Variants in TMX4 observed in about 807,000 individuals in gnomAD.
TMX4 encodes the protein thioredoxin related transmembrane protein 4, also known as thioredoxin-related transmembrane protein 4.
TMX4 carries 23 observed loss-of-function variants against 33.3 expected under a neutral mutation model. That is an observed-to-expected ratio of 0.69 (90% CI 0.50 to 0.98). TMX4 has a LOEUF of 0.98. Among genes scored for constraint, TMX4 ranks in the 50% least tolerant of loss-of-function variants. The pLI is 0.00. For missense variants in TMX4, 399 were observed against 448.9 expected (o/e 0.89, Z 1.01); for synonymous variants, 164 against 161.5 (o/e 1.02, Z -0.12).
intron 3 of TMX4, among the ~76,000 whole-genome samples, chr20:8,000,715 ACCTCAATG>A (rs1401840175): frequency 2.0e-5 from 3 of 151,886 alleles, no homozygotes; most frequent in Non-Finnish European, 4.4e-5. Context: ...TTCAACTTTT[ACCTCAATG>A]CTGAGGAATT....
At chr20:8,006,248 GT>G (rs2122873247) in intron 2 of TMX4, among the ~76,000 whole-genome samples, 1 of 152,254 alleles carries the variant, frequency 6.6e-6, no homozygotes, top group African/African-American at 2.4e-5. Flanking sequence ...AACTTTTCTC[GT>G]TTCATTGATA....
chr20:8,015,062 A>G (rs1297461839), intron 1 of TMX4, among the ~76,000 whole-genome samples: 1 of 151,188 alleles, frequency 6.6e-6, no homozygotes, highest in African/African-American at 2.4e-5. Context: ...ATACCGCACT[A>G]GATTGCTGGA....
intron 6 of TMX4, among the ~76,000 whole-genome samples, chr20:7,986,342 A>G (rs2050631027): frequency 6.6e-6 from 1 of 152,186 alleles, no homozygotes; most frequent in Non-Finnish European, 1.5e-5. Context: ...AGTCAAATCG[A>G]GCCTCCTTGG....
intron 5 of TMX4, among the ~76,000 whole-genome samples, chr20:7,990,062 C>T (rs529902400): frequency 1.0e-3 from 152 of 152,114 alleles, no homozygotes; most frequent in Non-Finnish European, 1.8e-3. Flanking sequence ...TTTGGAAGGC[C>T]GAGGCGGGTG....
intron 2 of TMX4, among the ~76,000 whole-genome samples, chr20:8,005,462 G>A (rs2050724984): frequency 1.3e-5 from 2 of 152,208 alleles, no homozygotes; most frequent in African/African-American, 4.8e-5. Context: ...GATGGGCAGG[G>A]AAGTGCTGGG....
chr20:8,009,861 T>TAA (rs11289988), intron 2 of TMX4, among the ~76,000 whole-genome samples: 3,252 of 84,536 alleles, frequency 0.038, 106 homozygotes, highest in African/African-American at 0.074. Flanking sequence ...CAAAAAACTG[T>TAA]AAAAAAAAAA....
At chr20:8,001,410 G>A (rs1277813296) in intron 3 of TMX4, 86 bp downstream of exon 3, 1 of 1,313,484 alleles carries the variant, frequency 7.6e-7, no homozygotes, top group East Asian at 2.5e-5. Flanking sequence ...CTGAATGAGT[G>A]GCAGTCATGG....
chr20:7,989,906 A>T (rs1332355882), intron 5 of TMX4, among the ~76,000 whole-genome samples: 1 of 152,180 alleles, frequency 6.6e-6, no homozygotes, highest in East Asian at 1.9e-4. Flanking sequence ...ATATGTGCTT[A>T]CCACAAGGAA....
chr20:7,997,723 G>T (rs1348698921), intron 4 of TMX4, among the ~76,000 whole-genome samples: 1 of 152,182 alleles, frequency 6.6e-6, no homozygotes, highest in African/African-American at 2.4e-5. Context: ...CTCTCATGGC[G>T]ACTGGCCAAA....
chr20:8,018,523 AGAGAG>A (rs1568541356), intron 1 of TMX4, among the ~76,000 whole-genome samples: 5,002 of 108,226 alleles, frequency 0.046, 1,376 homozygotes, highest in East Asian at 0.096. Flanking sequence ...AGAGAGAGAG[AGAGAG>A]TCTGCAAGCC....
intron 4 of TMX4, among the ~76,000 whole-genome samples, chr20:7,996,677 C>T (rs1021556646): frequency 6.6e-6 from 1 of 152,124 alleles, no homozygotes; most frequent in African/African-American, 2.4e-5. Flanking sequence ...GCCTTGGATC[C>T]TATCCATTTT....
rs1169786244 is a variant in TMX4 at position 7,981,036 on chromosome 20, G to A, written c.*1215C>T. 6.6e-6 allele frequency: 1 copy of A among 151,304 alleles called. No homozygotes were observed. Among genetic ancestry groups the A allele is most frequent in the Non-Finnish European group, 1.5e-5 (1 of 68,014 alleles). 9.4% of individuals were successfully genotyped at this position (151,304 alleles called of 1,614,324 possible). A position where few individuals can be genotyped will look rare whatever the true frequency, so the allele number is the denominator to read the frequency against. On this transcript the variant is annotated 3_prime_UTR_variant, in exon 8 of 8. Transcript: ENST00000246024. ...ATTCTAACACATAAATCAGGTAAGA[G>A]AGAAGTAGATGGATAGATTTTTTTT...
In TMX4 at chr20:8,019,425, C is replaced by T; in HGVS notation, c.176+13G>A. ...AGGACACTGCGGCGTCCGGGGCGGG[C>T]GGGCACACTCACAATTTCAGCATCC... On this transcript the variant is annotated intron_variant, in intron 1 of 7. Coordinates refer to ENST00000246024, the MANE Select transcript of TMX4 (RefSeq NM_021156.4). 6.6e-7 allele frequency: 1 copy of T among 1,513,046 alleles called. No homozygotes were observed. The highest frequency in any genetic ancestry group is 8.9e-7 in the Non-Finnish European group (1 of 1,129,870). The allele number at this position is 1,513,046 out of a possible 1,614,324, so 93.7% of individuals were successfully genotyped here.
At position 8,019,497 on chromosome 20, in the gene TMX4, G is replaced by C; in HGVS notation, c.117C>G (p.Val39=). The change falls in exon 1 of 8, where the codon GTC becomes GTG. Residue 39 remains valine (V), a synonymous_variant. Transcript: ENST00000246024. ...TCCAGTTGGAGGCGGTCATGGGCTG[G>C]ACCCGGCTCTGCTCCGGCGGCAGCG... ...EAALPPEQSR[V]QPMTASNWTL... 6.6e-7 allele frequency: 1 copy of C among 1,508,836 alleles called. No individual in the cohort carries two copies. The highest frequency in any genetic ancestry group is 1.2e-5 in the South Asian group (1 of 80,492). The allele number at this position is 1,508,836 out of a possible 1,614,324, so 93.5% of individuals were successfully genotyped here. A position where few individuals can be genotyped will look rare whatever the true frequency, so the allele number is the denominator to read the frequency against.
chr20:8,019,594 C>A lies in TMX4; in HGVS notation c.20G>T (p.Gly7Val). The A allele has an allele frequency of 7.4e-7, 1 of 1,356,416 alleles. No homozygotes were observed. The highest frequency in any genetic ancestry group is 9.5e-7 in the Non-Finnish European group (1 of 1,057,160). 84.0% of individuals were successfully genotyped at this position (1,356,416 alleles called of 1,614,324 possible). A position where few individuals can be genotyped will look rare whatever the true frequency, so the allele number is the denominator to read the frequency against. The stretch of plus-strand genomic sequence containing the variant: ...GGCCAGGAGCGCCGTTAGCTGCGGG[C>A]CGCAGCGCCCACCCGCCATGTTGGG... MAGGRC[G>V]PQLTALLAAW... is the part of the protein sequence containing the mutation. Residue 7 changes from glycine to valine, a missense_variant, in exon 1 of 8, where the codon GGC becomes GTC. Coordinates refer to ENST00000246024, the MANE Select transcript of TMX4 (RefSeq NM_021156.4).
rs2050601985 is a variant in TMX4 at position 7,980,780 on chromosome 20, G to A, written c.*1471C>T. On this transcript the variant is annotated 3_prime_UTR_variant, in exon 8 of 8. Coordinates refer to ENST00000246024, the MANE Select transcript of TMX4 (RefSeq NM_021156.4). ...TTGCAACATCTTCATTCAACCACAG[G>A]AGGGCAGAGAGTTTCAGAACCTCCC... The A allele has an allele frequency of 6.6e-6, 1 of 152,174 alleles. No homozygotes were observed. The highest frequency in any genetic ancestry group is 1.5e-5 in the Non-Finnish European group (1 of 68,042). 9.4% of individuals were successfully genotyped at this position (152,174 alleles called of 1,614,324 possible).
At chr20:7,999,168 A>C (rs569482544) in intron 4 of TMX4, among the ~76,000 whole-genome samples, 1 of 152,300 alleles carries the variant, frequency 6.6e-6, no homozygotes, top group East Asian at 1.9e-4. Flanking sequence ...AAAATTATCT[A>C]TATATATGAC....
In TMX4 at chr20:7,978,674, G is replaced by A. The variant is rs529226898; in HGVS notation, c.*3577C>T. On this transcript the variant is annotated 3_prime_UTR_variant, in exon 8 of 8. Coordinates refer to ENST00000246024, the MANE Select transcript of TMX4 (RefSeq NM_021156.4). Reference sequence around the variant, plus strand: ...TGTGGCTAACAGACAGGGATTCCATGCACAAGAGCTTTTAAGTATGTGCCC... The same window carrying A: ...TGTGGCTAACAGACAGGGATTCCATACACAAGAGCTTTTAAGTATGTGCCC... 6.6e-6 allele frequency: 1 copy of A among 152,302 alleles called. No homozygotes were observed. The highest frequency in any genetic ancestry group is 2.1e-4 in the South Asian group (1 of 4,824). 9.4% of individuals were successfully genotyped at this position (152,302 alleles called of 1,614,324 possible). A position where few individuals can be genotyped will look rare whatever the true frequency, so the allele number is the denominator to read the frequency against.
At position 7,982,407 on chromosome 20, in the gene TMX4, A is replaced by T. The variant is rs2050610769; in HGVS notation, c.894T>A (p.Asp298Glu). The change falls in exon 8 of 8, where the codon GAT (aspartate) becomes GAA (glutamate). Residue 298 changes from aspartate to glutamate, a missense_variant. Asp to Glu is a conservative substitution (Grantham distance 45, BLOSUM62 2). Transcript: ENST00000246024. ...GVDEERSEAN[D>E]QGPPGEDGVT... ...CACCGTCCTCTCCTGGGGGCCCCTG[A>T]TCATTGGCCTCACTTCTCTCCTCAT... 1 of 1,613,798 alleles carries T rather than the reference A, an allele frequency of 6.2e-7. No individual in the cohort carries two copies. Among genetic ancestry groups the T allele is most frequent in the Non-Finnish European group, 8.5e-7 (1 of 1,179,986 alleles).
Sources: gnomAD v4.1 joint callset for allele counts (sites outside exome capture counted in the v4.1 genomes callset) on GRCh38, gnomAD v4.1.1 for gene constraint, MANE v1.5 for transcripts, NCBI Gene and HGNC (gene_info 2026-07-23, HGNC 2026-07-21) for gene names.